SERAC1: variants seen among roughly 807,000 people sequenced by gnomAD.
The protein encoded by SERAC1 is serine active site containing 1, also known as protein SERAC1.
In SERAC1, 36 loss-of-function variants were observed where a neutral mutation model predicts 85.7. That is an observed-to-expected ratio of 0.42 (90% confidence interval 0.32 to 0.55). The LOEUF (loss-of-function observed/expected upper bound fraction) is 0.55, where lower values mean the gene tolerates loss of function less well. SERAC1 is among the 20% of genes least tolerant of loss of function. SERAC1 has a pLI of 0.11. For synonymous variants in SERAC1, 242 were observed against 265.3 expected, an observed-to-expected ratio of 0.91 and a Z score of 0.85; for missense variants, 629 against 796.2, an observed-to-expected ratio of 0.79 and a Z score of 2.53.
At chr6:158,164,704 T>A (rs1785558859) in intron 1 of SERAC1, among the ~76,000 whole-genome samples, 1 of 152,068 alleles carries the variant, frequency 6.6e-6, no homozygotes, top group South Asian at 2.1e-4. Flanking sequence ...GAAGCCAGAG[T>A]GAAACATCAT....
At chr6:158,143,347 CTATATATATATATA>C (rs753604114) in intron 7 of SERAC1, among the ~76,000 whole-genome samples, 163 bp from the exon 8 acceptor site, 15 of 46,360 alleles carry the variant, frequency 3.2e-4, no homozygotes, top group East Asian at 1.9e-3. Context: ...CTCTCTCTCT[CTATATATATATATA>C]TATATATATA....
chr6:158,118,388 T>C (rs568685833), intron 12 of SERAC1, among the ~76,000 whole-genome samples: 3 of 152,336 alleles, frequency 2.0e-5, no homozygotes, highest in Admixed American at 2.0e-4. Flanking sequence ...AAATGAGCTT[T>C]AGATAAATTC....
chr6:158,149,563 G>A (rs1785156524), intron 4 of SERAC1, among the ~76,000 whole-genome samples: 1 of 152,112 alleles, frequency 6.6e-6, no homozygotes, highest in Non-Finnish European at 1.5e-5. Context: ...GCAATATCCA[G>A]GAAAATGTCC....
At position 158,114,782 on chromosome 6, in the gene SERAC1, G is replaced by GT. The variant is rs1554261041; in HGVS notation, c.1684+6dup. 5 of 1,608,274 alleles carry GT rather than the reference G, an allele frequency of 3.1e-6. No individual in the cohort carries two copies. The African/African-American group carries it at 6.8e-5, about 22-fold the overall frequency. ...ACCCCAATTTCCTTTATGACAAAAAGTATTACCCTTGCTGAGTTCTTTGAC... is the reference window on the plus strand; with the variant it reads ...ACCCCAATTTCCTTTATGACAAAAAGTTATTACCCTTGCTGAGTTCTTTGAC... On this transcript the variant is annotated splice_region_variant and intron_variant, in intron 15 of 16. Coordinates refer to ENST00000647468, the MANE Select transcript of SERAC1 (RefSeq NM_032861.4).
chr6:158,136,520 T>C (rs1474827147), intron 8 of SERAC1, among the ~76,000 whole-genome samples: 3 of 152,180 alleles, frequency 2.0e-5, no homozygotes, highest in Non-Finnish European at 4.4e-5. Context: ...GGTTTCACTA[T>C]GTTGCCCAGG....
chr6:158,148,821 T>G (rs751990589), intron 5 of SERAC1, 44 bp downstream of exon 5: 3 of 1,345,426 alleles, frequency 2.2e-6, no homozygotes, highest in East Asian at 4.7e-5. Context: ...CCAATGACTT[T>G]CAGATTACTG....
intron 4 of SERAC1, among the ~76,000 whole-genome samples, chr6:158,149,515 T>C (rs1356160715): frequency 6.6e-6 from 1 of 152,146 alleles, no homozygotes; most frequent in African/African-American, 2.4e-5. Flanking sequence ...AAATACTAAC[T>C]AAAGCTAATG....
Position 158,111,066 on chromosome 6 carries a change from T to G in SERAC1, c.*300A>C, listed in dbSNP as rs1167760940. The G allele has an allele frequency of 5.1e-6, 1 of 194,800 alleles. No individual in the cohort carries two copies. The highest frequency in any genetic ancestry group is 1.0e-5 in the Non-Finnish European group (1 of 97,440). 12.1% of individuals were successfully genotyped at this position (194,800 alleles called of 1,614,324 possible). A position where few individuals can be genotyped will look rare whatever the true frequency, so the allele number is the denominator to read the frequency against. ...GAAAGTCACAGATGGGAAAGGACAC[T>G]CTCTCACAGCAGCTTTGCTCCAGTC... On this transcript the variant is annotated 3_prime_UTR_variant, in exon 17 of 17. Coordinates refer to ENST00000647468, the MANE Select transcript of SERAC1 (RefSeq NM_032861.4).
rs1241823834 is a variant in SERAC1 at position 158,143,335 on chromosome 6, CTCTCTCTCTCTCTATATATATATATA to C, written c.610-177_610-152del. The C allele has an allele frequency of 5.8e-3, 788 of 134,966 alleles. 4 individuals are homozygous for C. The highest frequency in any genetic ancestry group is 0.033 in the African/African-American group (395 of 12,150). 8.4% of individuals were successfully genotyped at this position (134,966 alleles called of 1,614,324 possible). On this transcript the variant is annotated intron_variant, in intron 7 of 16. Coordinates refer to ENST00000647468, the MANE Select transcript of SERAC1 (RefSeq NM_032861.4). ...TCTCTCTCTCTCTCTCTCTCTCTCTCTCTCTCTCTCTCTATATATATATATATATATATATATATACACACACACAT... is the reference window on the plus strand; with the variant it reads ...TCTCTCTCTCTCTCTCTCTCTCTCTCTATATATATATATACACACACACAT...
chr6:158,144,315 A>G lies in SERAC1; in HGVS notation c.593T>C (p.Leu198Ser). The change falls in exon 7 of 17, where the codon TTG (leucine) becomes TCG (serine). Residue 198 changes from leucine (L) to serine (S), a missense_variant. By Grantham distance (145) the Leu-to-Ser change is moderately radical. Transcript: ENST00000647468. Reference sequence around the variant, plus strand: ...TTTACTTACTTCTTTTAAAGATGGCAAAGGAGGTGGTAGGAGAAAAAAGCG... The same window carrying G: ...TTTACTTACTTCTTTTAAAGATGGCGAAGGAGGTGGTAGGAGAAAAAAGCG... ...DLRFFLLPPP[L>S]PSLKEDSSTE... 1 of 1,611,468 alleles carries G rather than the reference A, an allele frequency of 6.2e-7. No individual in the cohort carries two copies. Among genetic ancestry groups the G allele is most frequent in the Non-Finnish European group, 8.5e-7 (1 of 1,178,306 alleles).
At chr6:158,156,862 ATT>A in intron 2 of SERAC1, among the ~76,000 whole-genome samples, 1 of 101,724 alleles carries the variant, frequency 9.8e-6, no homozygotes, top group Admixed American at 1.2e-4. Context: ...TATAATAAAT[ATT>A]AATATATTTA....
chr6:158,167,223 TAAAAAAAAAAAA>T (rs34350104), intron 1 of SERAC1, among the ~76,000 whole-genome samples: 2 of 101,834 alleles, frequency 2.0e-5, no homozygotes, highest in African/African-American at 4.0e-5. Context: ...CACACGATGT[TAAAAAAAAAAAA>T]AAAAAAAAAA....
At chr6:158,137,525 T>C (rs1273528348) in intron 8 of SERAC1, among the ~76,000 whole-genome samples, 1 of 152,166 alleles carries the variant, frequency 6.6e-6, no homozygotes, top group African/African-American at 2.4e-5. Context: ...TCATTTCCAG[T>C]GTGATCTATG....
intron 15 of SERAC1, 144 bp from the exon 16 acceptor site, chr6:158,113,736 C>A (rs1583555838): frequency 1.4e-6 from 1 of 713,832 alleles, no homozygotes; most frequent in Non-Finnish European, 2.2e-6. Context: ...TCTCCCCTGC[C>A]AAGAAGCCAC....
At chr6:158,150,090 T>A (rs1477826341) in intron 4 of SERAC1, among the ~76,000 whole-genome samples, 1 of 152,230 alleles carries the variant, frequency 6.6e-6, no homozygotes, top group African/African-American at 2.4e-5. Context: ...TTGGTTTGCA[T>A]GAATACATCC....
At position 158,130,461 on chromosome 6, in the gene SERAC1, T is replaced by C; in HGVS notation, c.764A>G (p.Asn255Ser). The C allele has an allele frequency of 6.2e-7, 1 of 1,600,232 alleles. No individual in the cohort carries two copies. ...AAAACTTTCAGCATAAGGAAGTCCA[T>C]TTCCTCCAAAACACCATAAACCACC... ...QKGGLWCFGG[N>S]GLPYAESFGE... Residue 255 changes from asparagine (N) to serine (S), a missense_variant, in exon 9 of 17, where the codon AAT (asparagine) becomes AGT (serine). Coordinates refer to ENST00000647468, the MANE Select transcript of SERAC1 (RefSeq NM_032861.4).
At position 158,158,374 on chromosome 6, in the gene SERAC1, T is replaced by C. The variant is rs149810325; in HGVS notation, c.-1-10A>G. The C allele has an allele frequency of 4.0e-4, 643 of 1,592,306 alleles. 2 individuals carry two copies. In the African/African-American group the frequency reaches 7.5e-3, roughly 19 times the overall value. On this transcript the variant is annotated splice_polypyrimidine_tract_variant and intron_variant, in intron 1 of 16. Coordinates refer to ENST00000647468, the MANE Select transcript of SERAC1 (RefSeq NM_032861.4). ...AGCAGCCAGGGACATTCTGTGTAAGTAGAACAATTACAACAAATTTAATTT... is the reference window on the plus strand; with the variant it reads ...AGCAGCCAGGGACATTCTGTGTAAGCAGAACAATTACAACAAATTTAATTT...
Position 158,114,959 on chromosome 6 carries a change from T to G in SERAC1, c.1514A>C (p.Lys505Thr). The G allele has an allele frequency of 6.2e-7, 1 of 1,611,424 alleles. No individual in the cohort carries two copies. Among genetic ancestry groups the G allele is most frequent in the Non-Finnish European group, 8.5e-7 (1 of 1,178,944 alleles). ...ISHSMGGLLVKKMLLEASTKP... is the reference protein window; with the variant it reads ...ISHSMGGLLVTKMLLEASTKP... ...CGTAGAGGCTTCCAACAGCATCTTT[T>G]TGACAAGAAGACCTAGCCACAGACA... is the stretch of plus-strand genomic sequence containing the variant. Residue 505 changes from lysine to threonine, a missense_variant, in exon 15 of 17, where the codon AAA becomes ACA. Transcript: ENST00000647468.
At chr6:158,118,388 T>TA (rs1315743051) in intron 12 of SERAC1, among the ~76,000 whole-genome samples, 2 of 152,218 alleles carry the variant, frequency 1.3e-5, no homozygotes, top group African/African-American at 4.8e-5. Context: ...AAATGAGCTT[T>TA]AGATAAATTC....
Sources: gnomAD v4.1 joint callset for allele counts (sites outside exome capture counted in the v4.1 genomes callset) on GRCh38, gnomAD v4.1.1 for gene constraint, MANE v1.5 for transcripts, NCBI Gene and HGNC (gene_info 2026-07-23, HGNC 2026-07-21) for gene names.